BTRC: variants seen among roughly 807,000 people sequenced by gnomAD.
BTRC encodes the protein F-box/WD repeat-containing protein 1A.
A neutral mutation model predicts 85.5 loss-of-function variants in BTRC; 42 were observed. That is an observed-to-expected ratio of 0.49 (90% CI 0.38 to 0.64). The LOEUF (loss-of-function observed/expected upper bound fraction) is 0.64. Ranked by LOEUF, BTRC falls within the 30% of genes least tolerant of loss-of-function variation. The pLI is 0.00. For synonymous variants in BTRC, 255 were observed against 263.3 expected (o/e 0.97, Z 0.30); for missense variants, 594 against 743.5 (o/e 0.80, Z 2.34).
chr10:101,494,100 T>G (rs543218555), intron 4 of BTRC, among the ~76,000 whole-genome samples: 2 of 152,296 alleles, frequency 1.3e-5, no homozygotes, highest in South Asian at 2.1e-4. Flanking sequence ...TATCAGCAGG[T>G]TAATGAATAA....
At chr10:101,408,049 A>G (rs1391652447) in intron 1 of BTRC, among the ~76,000 whole-genome samples, 1 of 152,170 alleles carries the variant, frequency 6.6e-6, no homozygotes, top group African/African-American at 2.4e-5. Flanking sequence ...TATAATTAAT[A>G]TAGAATTATG....
chr10:101,525,432 C>T (rs1284255990), intron 5 of BTRC, among the ~76,000 whole-genome samples: 1 of 152,166 alleles, frequency 6.6e-6, no homozygotes, highest in Non-Finnish European at 1.5e-5. Context: ...CTTAAACATA[C>T]ATCTCTGTCT....
intron 1 of BTRC, among the ~76,000 whole-genome samples, chr10:101,389,475 C>T (rs549493427): frequency 6.6e-6 from 1 of 152,202 alleles, no homozygotes; most frequent in African/African-American, 2.4e-5. Context: ...TCCTTTTGGA[C>T]TAAAGCTATG....
rs763583896 is a variant in BTRC, at chr10:101,479,405, A to T, written c.272A>T (p.Glu91Val). The change falls in exon 4 of 15, where the codon GAA becomes GTA. Residue 91 changes from glutamate to valine, a missense_variant. Coordinates refer to ENST00000370187, the MANE Select transcript of BTRC (RefSeq NM_033637.4). ...TGTGCCAGACTCTGCTTAAACCAAG[A>T]AACAGTATGTTTAGCAAGCACTGCT... is the stretch of plus-strand genomic sequence containing the variant. ...NSCARLCLNQETVCLASTAMK... is the reference protein window; with the variant it reads ...NSCARLCLNQVTVCLASTAMK... The T allele has an allele frequency of 6.2e-7, 1 of 1,613,494 alleles. No homozygotes were observed. The highest frequency in any genetic ancestry group is 8.5e-7 in the Non-Finnish European group (1 of 1,179,596).
At chr10:101,391,232 C>T (rs1943229469) in intron 1 of BTRC, among the ~76,000 whole-genome samples, 1 of 152,048 alleles carries the variant, frequency 6.6e-6, no homozygotes, top group African/African-American at 2.4e-5. Flanking sequence ...ATTTGAAGCC[C>T]TTGGAACATC....
intron 5 of BTRC, among the ~76,000 whole-genome samples, chr10:101,524,671 G>A (rs1205249531): frequency 6.6e-6 from 1 of 152,104 alleles, no homozygotes; most frequent in East Asian, 1.9e-4. Context: ...ACACAGGACT[G>A]CATTTTGGAA....
At position 101,464,694 on chromosome 10, in the gene BTRC, A is replaced by T. The variant is rs373578923; in HGVS notation, c.234+2636A>T. On this transcript the variant is annotated intron_variant, in intron 3 of 14. Transcript: ENST00000370187. ...TTCTCTTTGTGAAGAGCATGAACTC[A>T]ATGTTCTTGGAAAGAGAAATGGCCT... Among the ~76,000 whole-genome samples the T allele has an allele frequency of 8.9e-4, 136 of 152,294 alleles. 5 individuals are homozygous for T. In the South Asian group the frequency reaches 0.026, roughly 30 times the overall value.
chr10:101,421,933 C>T (rs146442281), intron 1 of BTRC, among the ~76,000 whole-genome samples: 2,656 of 151,830 alleles, frequency 0.017, 75 homozygotes, highest in East Asian at 0.063. Context: ...AGTAAACATA[C>T]GTGTGCATGT....
chr10:101,372,290 T>C (rs1464787664), intron 1 of BTRC, among the ~76,000 whole-genome samples: 3 of 151,070 alleles, frequency 2.0e-5, no homozygotes, highest in Non-Finnish European at 4.4e-5. Context: ...GGAGTTTCGC[T>C]CTTTCACTCA....
At chr10:101,522,521 A>G (rs2062132316) in intron 5 of BTRC, among the ~76,000 whole-genome samples, 1 of 134,102 alleles carries the variant, frequency 7.5e-6, no homozygotes, top group Non-Finnish European at 1.6e-5. Flanking sequence ...CCCAGATTCA[A>G]GCAATTCTCC....
intron 1 of BTRC, chr10:101,354,637 A>G (rs932564402): frequency 2.1e-5 from 5 of 236,752 alleles, no homozygotes; most frequent in African/African-American, 4.7e-5. Flanking sequence ...AGGTGCATTC[A>G]CGACTGGGGA....
chr10:101,512,511 G>A (rs2061969808), intron 4 of BTRC, among the ~76,000 whole-genome samples: 1 of 152,100 alleles, frequency 6.6e-6, no homozygotes, highest in Admixed American at 6.5e-5. Flanking sequence ...AGAAATACTT[G>A]TCATTTCACC....
chr10:101,366,909 A>ATATATTT (rs1942431526), intron 1 of BTRC, among the ~76,000 whole-genome samples: 1 of 19,296 alleles, frequency 5.2e-5, no homozygotes, highest in African/African-American at 1.7e-4. Flanking sequence ...TATATATATT[A>ATATATTT]ATATATATTT....
At chr10:101,363,530 C>T (rs937367825) in intron 1 of BTRC, among the ~76,000 whole-genome samples, 3 of 152,102 alleles carry the variant, frequency 2.0e-5, no homozygotes, top group Non-Finnish European at 2.9e-5. Flanking sequence ...GCAATCTCAG[C>T]TCACTGCCAC....
At chr10:101,377,813 C>G (rs1226040817) in intron 1 of BTRC, among the ~76,000 whole-genome samples, 1 of 151,784 alleles carries the variant, frequency 6.6e-6, no homozygotes, top group African/African-American at 2.4e-5. Flanking sequence ...TACTCTGAAG[C>G]CTATCTACAA....
chr10:101,542,881 TGTC>T (rs2062489665), intron 13 of BTRC, among the ~76,000 whole-genome samples: 3 of 152,174 alleles, frequency 2.0e-5, no homozygotes, highest in Admixed American at 2.0e-4. Flanking sequence ...TTTTTGTTGT[TGTC>T]GTTGTTTTTG....
chr10:101,418,743 T>C (rs1424497625), intron 1 of BTRC, among the ~76,000 whole-genome samples: 2 of 152,044 alleles, frequency 1.3e-5, no homozygotes. Context: ...GTGCAGGATG[T>C]GCAGGTTTGG....
At chr10:101,368,215 T>G (rs1368625399) in intron 1 of BTRC, among the ~76,000 whole-genome samples, 1 of 152,090 alleles carries the variant, frequency 6.6e-6, no homozygotes, top group Non-Finnish European at 1.5e-5. Flanking sequence ...GCACCTCCCT[T>G]TTCTCTCTTT....
chr10:101,438,281 C>T (rs576116112), intron 2 of BTRC, among the ~76,000 whole-genome samples: 29 of 151,716 alleles, frequency 1.9e-4, no homozygotes, highest in East Asian at 1.7e-3. Context: ...AAAAATTAGC[C>T]GGGCGTGGTG....
Sources: allele counts gnomAD v4.1 joint callset (sites outside exome capture counted in the v4.1 genomes callset), GRCh38; gene constraint gnomAD v4.1.1; transcripts MANE v1.5; gene names NCBI Gene and HGNC (gene_info 2026-07-23, HGNC 2026-07-21).